Variants in ATXN7L1 observed in about 807,000 individuals in gnomAD.
ATXN7L1 encodes the protein ataxin 7 like 1.
ATXN7L1 carries 15 observed loss-of-function variants against 70.8 expected under a neutral mutation model. That is an observed-to-expected ratio of 0.21 (90% CI 0.14 to 0.33). ATXN7L1 has a LOEUF of 0.33. Ranked by LOEUF, ATXN7L1 falls within the 10% of genes least tolerant of loss-of-function variation. The probability of loss-of-function intolerance (pLI) is 1.00; values close to 1 mark genes in which losing one functional copy is unlikely to be tolerated. For synonymous variants in ATXN7L1, 440 were observed against 445.1 expected, an observed-to-expected ratio of 0.99 and a Z score of 0.14; for missense variants, 975 against 1,097.1, an observed-to-expected ratio of 0.89 and a Z score of 1.57.
intron 2 of ATXN7L1, among the ~76,000 whole-genome samples, chr7:105,858,980 A>T (rs1490649471): frequency 1.3e-5 from 2 of 152,166 alleles, no homozygotes; most frequent in Admixed American, 6.5e-5. Flanking sequence ...TACTGAAGAG[A>T]TATAACAACC....
chr7:105,631,147 T>G (rs765042873), intron 7 of ATXN7L1, among the ~76,000 whole-genome samples: 2 of 152,186 alleles, frequency 1.3e-5, no homozygotes, highest in Admixed American at 6.5e-5. Context: ...ATTATTTAAA[T>G]GTATGGTAAT....
chr7:105,622,612 T>C (rs1706926), intron 8 of ATXN7L1, among the ~76,000 whole-genome samples: 131,591 of 152,204 alleles, frequency 0.86, 57,077 homozygotes, highest in East Asian at 0.97. Context: ...AGTAATCAAG[T>C]GGGTCTCCTC....
chr7:105,782,969 T>TA (rs1183204659), intron 3 of ATXN7L1, among the ~76,000 whole-genome samples: 1 of 152,194 alleles, frequency 6.6e-6, no homozygotes. Context: ...TTCAACTTAA[T>TA]AAAAAATAGC....
intron 2 of ATXN7L1, among the ~76,000 whole-genome samples, chr7:105,821,671 A>G (rs1257745585): frequency 6.6e-6 from 1 of 152,248 alleles, no homozygotes; most frequent in Non-Finnish European, 1.5e-5. Flanking sequence ...TGGCTCCGCC[A>G]TGATTGTGAG....
intron 4 of ATXN7L1, among the ~76,000 whole-genome samples, chr7:105,651,567 A>G (rs574026350): frequency 3.1e-4 from 47 of 152,318 alleles, no homozygotes; most frequent in Non-Finnish European, 3.5e-4. Flanking sequence ...TTCCACATTC[A>G]TGCAGAGTAG....
rs1436051170 is a variant in ATXN7L1 at position 105,861,960 on chromosome 7, G to A, written c.250+13852C>T. Among the ~76,000 whole-genome samples, 22 of 152,176 alleles carry A rather than the reference G, an allele frequency of 1.4e-4. 1 individual carries two copies. The highest frequency in any genetic ancestry group is 1.4e-3 in the Admixed American group (22 of 15,286). On this transcript the variant is annotated intron_variant, in intron 2 of 11. Coordinates refer to ENST00000419735, the MANE Select transcript of ATXN7L1 (RefSeq NM_020725.2). ...AAGTCTTTTGTCTCAGCCACTGAAA[G>A]TGGCAGGACTCATCTGAGTCCCTAA...
intron 4 of ATXN7L1, among the ~76,000 whole-genome samples, chr7:105,656,820 C>T (rs1276485047): frequency 6.6e-6 from 1 of 152,248 alleles, no homozygotes; most frequent in Admixed American, 6.5e-5. Flanking sequence ...GTCCACCCGC[C>T]TCGGCCTCCC....
intron 4 of ATXN7L1, among the ~76,000 whole-genome samples, chr7:105,656,454 G>A (rs1272570599): frequency 2.0e-5 from 3 of 152,238 alleles, no homozygotes; most frequent in Admixed American, 2.0e-4. Context: ...AGTGGAAGGG[G>A]CCTCTGAGAG....
rs550643633 is a variant in ATXN7L1, at chr7:105,661,418, G to A, written c.578+3648C>T. Among the ~76,000 whole-genome samples, 3 of 152,308 alleles carry A rather than the reference G, an allele frequency of 2.0e-5. No homozygotes were observed. The South Asian group carries it at 6.2e-4, about 32-fold the overall frequency. On this transcript the variant is annotated intron_variant, in intron 4 of 11. Transcript: ENST00000419735. ...TGTAGAGGGTCCGTTATGTTGGGCT[G>A]AGGGACTAACTCTTTAATTCAGGAG...
chr7:105,663,779 T>G lies in ATXN7L1; in HGVS notation c.578+1287A>C, dbSNP rs140553214. On this transcript the variant is annotated intron_variant, in intron 4 of 11. Transcript: ENST00000419735. The stretch of plus-strand genomic sequence containing the variant: ...AAGCCTCAGATTTTTTTTTTCTTTT[T>G]TTTGAGACAGGAGTCTCACTTCGTC... 6.3e-3 allele frequency among the ~76,000 whole-genome samples: 965 copies of G among 152,282 alleles called. 10 individuals are homozygous for G. Among genetic ancestry groups the G allele is most frequent in the African/African-American group, 0.022 (912 of 41,556 alleles).
chr7:105,774,352 C>CT (rs1802424354), intron 3 of ATXN7L1, among the ~76,000 whole-genome samples: 4 of 105,196 alleles, frequency 3.8e-5, no homozygotes, highest in Non-Finnish European at 7.1e-5. Flanking sequence ...AGCCAGCAAC[C>CT]CTTTTTTTTT....
At chr7:105,831,067 G>A (rs755665955) in intron 2 of ATXN7L1, among the ~76,000 whole-genome samples, 3 of 152,220 alleles carry the variant, frequency 2.0e-5, no homozygotes, top group Non-Finnish European at 4.4e-5. Context: ...TCTGTGTAAA[G>A]TTTGGATAAA....
At chr7:105,755,534 G>A (rs11979104) in intron 3 of ATXN7L1, among the ~76,000 whole-genome samples, 40,990 of 151,996 alleles carry the variant, frequency 0.27, 6,468 homozygotes, top group African/African-American at 0.43. Flanking sequence ...ATAAATGAAC[G>A]TGGAAAAAAA....
At chr7:105,792,696 T>G (rs753696250) in intron 2 of ATXN7L1, among the ~76,000 whole-genome samples, 7 of 152,214 alleles carry the variant, frequency 4.6e-5, no homozygotes, top group Non-Finnish European at 1.0e-4. Context: ...TCATGTTTAG[T>G]GTCGTCATGG....
chr7:105,850,290 C>T (rs1814680320), intron 2 of ATXN7L1, among the ~76,000 whole-genome samples: 1 of 152,224 alleles, frequency 6.6e-6, no homozygotes, highest in Non-Finnish European at 1.5e-5. Flanking sequence ...GCCTGTCATG[C>T]CCCATGGCAT....
chr7:105,624,649 C>CA (rs386410908), intron 7 of ATXN7L1, among the ~76,000 whole-genome samples: 17,249 of 114,914 alleles, frequency 0.15, 2,092 homozygotes, highest in African/African-American at 0.3. Flanking sequence ...GACTCTGTCT[C>CA]AAAAAAAAAA....
intron 3 of ATXN7L1, among the ~76,000 whole-genome samples, chr7:105,754,479 T>C (rs1799569319): frequency 6.6e-6 from 1 of 151,944 alleles, no homozygotes; most frequent in South Asian, 2.1e-4. Flanking sequence ...CTCACCGTGG[T>C]CTACATCGTG....
rs745405616 is a variant in ATXN7L1, at chr7:105,614,534, G to A, written c.1800C>T (p.Ala600=). 328 of 1,538,922 alleles carry A rather than the reference G, an allele frequency of 2.1e-4. 1 individual carries two copies. The highest frequency in any genetic ancestry group is 2.4e-4 in the Admixed American group (12 of 50,366). The change falls in exon 10 of 12, where the codon GCC becomes GCT. Residue 600 remains alanine (A), a synonymous_variant. Coordinates refer to ENST00000419735, the MANE Select transcript of ATXN7L1 (RefSeq NM_020725.2). This position sits in a 1 kb window ranked among gnomAD's most constrained non-coding sequence, Gnocchi z 4.3. ...TLSIMDSTFK[A]PSAVSPIPAV... is the part of the protein sequence containing the mutation. ...CTGGTATCGGGGACACGGCGGATGG[G>A]GCCTTGAAGGTTGAGTCCATGATGC...
intron 6 of ATXN7L1, 25 bp downstream of exon 6, chr7:105,639,462 G>T: frequency 6.5e-7 from 1 of 1,532,228 alleles, no homozygotes; most frequent in African/African-American, 1.4e-5. Context: ...AGAGCAGGAA[G>T]TATTTTTTAT....
Sources: allele counts gnomAD v4.1 joint callset (sites outside exome capture counted in the v4.1 genomes callset), GRCh38; gene constraint gnomAD v4.1.1; non-coding constraint Gnocchi (gnomAD v3.1); transcripts MANE v1.5; gene names NCBI Gene and HGNC (gene_info 2026-07-23, HGNC 2026-07-21).